DMD: variants seen among roughly 807,000 people sequenced by gnomAD.
The protein encoded by DMD is dystrophin, also known as mutant dystrophin.
Under a neutral mutation model 330.1 loss-of-function variants are expected in DMD, and 63 were observed. The ratio of observed to expected loss-of-function variants is 0.19; its 90% CI spans 0.16 to 0.24. The LOEUF (loss-of-function observed/expected upper bound fraction) is 0.24, where lower values mean the gene tolerates loss of function less well. DMD is among the 10% of genes least tolerant of loss of function. The pLI is 1.00. For missense variants in DMD, 3,344 were observed against 2,684.1 expected (o/e 1.25, Z -5.43); for synonymous variants, 1,223 against 959.8 (o/e 1.27, Z -5.07).
intron 64 of DMD, among the ~76,000 whole-genome samples, chrX:31,215,442 C>T (rs911118907): frequency 1.8e-5 from 2 of 110,778 alleles, no homozygotes; most frequent in African/African-American, 3.3e-5. Context: ...CACTGGATGA[C>T]GAGATGGGCG....
At chrX:32,525,732 T>C (rs773659504) in intron 17 of DMD, among the ~76,000 whole-genome samples, 43 of 111,466 alleles carry the variant, frequency 3.9e-4, no homozygotes, top group African/African-American at 1.3e-3. Context: ...ATGCTTTAAA[T>C]TGGGTGCTAT....
chrX:32,725,633 A>C (rs979865343), intron 7 of DMD, among the ~76,000 whole-genome samples: 1 of 111,207 alleles, frequency 9.0e-6, no homozygotes, highest in Non-Finnish European at 1.9e-5. Flanking sequence ...ACCCAGATAA[A>C]TAAAGCAAAT....
chrX:31,470,707 C>T (rs1227678765), intron 59 of DMD, among the ~76,000 whole-genome samples: 1 of 112,061 alleles, frequency 8.9e-6, no homozygotes, highest in Admixed American at 9.4e-5. Flanking sequence ...CTCTTCAGAG[C>T]CAGCAGGCAG....
chrX:33,274,059 C>T (rs1217312402), intron 1 of DMD, among the ~76,000 whole-genome samples: 1 of 111,423 alleles, frequency 9.0e-6, no homozygotes, highest in Admixed American at 9.6e-5. Flanking sequence ...GTAGGATAAG[C>T]AATCAGATAA....
chrX:33,018,893 A>T (rs2093857852), intron 2 of DMD, among the ~76,000 whole-genome samples: 1 of 85,595 alleles, frequency 1.2e-5, no homozygotes, highest in Non-Finnish European at 2.5e-5. Context: ...TCACTTAGCT[A>T]AAAAAAGTTG....
chrX:32,780,566 T>TA (rs1289199548), intron 7 of DMD, among the ~76,000 whole-genome samples: 1 of 97,353 alleles, frequency 1.0e-5, no homozygotes, highest in Middle Eastern at 4.4e-3. Flanking sequence ...TTCTTCAGCT[T>TA]AGACAACAAA....
rs770968349 is a variant in DMD at position 32,336,031 on chromosome X, TTATATATAACGTG to T, written c.5922+6056_5922+6068del. Among the ~76,000 whole-genome samples the T allele has an allele frequency of 4.7e-4, 49 of 103,367 alleles. 1 individual carries two copies. The South Asian group carries it at 0.019, about 41-fold the overall frequency. The allele number at this position is 103,367 out of a possible 115,157, so 89.8% of individuals were successfully genotyped here. ...TTATATATAACGTGTATATATAACG[TTATATATAACGTG>T]TATATATAACGTTATATATAACGTG... On this transcript the variant is annotated intron_variant, in intron 41 of 78. Coordinates refer to ENST00000357033, the MANE Select transcript of DMD (RefSeq NM_004006.3).
At chrX:32,899,979 A>G (rs1309690942) in intron 2 of DMD, among the ~76,000 whole-genome samples, 2 of 111,759 alleles carry the variant, frequency 1.8e-5, no homozygotes, top group Non-Finnish European at 3.8e-5. Flanking sequence ...TGTTGATAAA[A>G]AAAAGAAAGT....
intron 44 of DMD, among the ~76,000 whole-genome samples, chrX:32,189,378 A>G (rs751030584): frequency 5.4e-4 from 60 of 110,186 alleles, no homozygotes; most frequent in African/African-American, 1.9e-3. Context: ...TACAAAAAAA[A>G]AAAAAACAAC....
rs1012399457 is a variant in DMD, at chrX:31,931,241, G to A, written c.6762+839C>T. On this transcript the variant is annotated intron_variant, in intron 46 of 78. Coordinates refer to ENST00000357033, the MANE Select transcript of DMD (RefSeq NM_004006.3). ...TAATACTTGGCACATAACAGGGAATGATTAAATATTAATTTCTCTTCCCCT... is the reference window on the plus strand; with the variant it reads ...TAATACTTGGCACATAACAGGGAATAATTAAATATTAATTTCTCTTCCCCT... Among the ~76,000 whole-genome samples the A allele has an allele frequency of 6.3e-5, 7 of 110,836 alleles. No individual in the cohort carries two copies. The East Asian group carries it at 2.0e-3, about 32-fold the overall frequency.
intron 41 of DMD, among the ~76,000 whole-genome samples, chrX:32,323,004 C>A (rs1052392610): frequency 7.1e-5 from 8 of 111,945 alleles, no homozygotes; most frequent in African/African-American, 1.9e-4. Context: ...TACAGTTGGC[C>A]CTCTGTATCC....
At position 32,409,203 on chromosome X, in the gene DMD, T is replaced by A. The variant is rs149025793; in HGVS notation, c.4233+2549A>T. Among the ~76,000 whole-genome samples the A allele has an allele frequency of 6.0e-3, 672 of 111,675 alleles. 4 individuals carry two copies. The highest frequency in any genetic ancestry group is 0.02 in the African/African-American group (621 of 30,828). On this transcript the variant is annotated intron_variant, in intron 30 of 78. Transcript: ENST00000357033. ...GAAGAATGTTTTAAGAGCTTTCAGATGGCTTGTATTCTCCAATATTATGTA... is the reference window on the plus strand; with the variant it reads ...GAAGAATGTTTTAAGAGCTTTCAGAAGGCTTGTATTCTCCAATATTATGTA...
rs745350754 is a variant in DMD at position 32,364,730 on chromosome X, A to T, written c.5026-20T>A. On this transcript the variant is annotated intron_variant, in intron 35 of 78. Transcript: ENST00000357033. Reference sequence around the variant, plus strand: ...GTATTCCTTAATTGTACAGAGACATACCATGGCATTATTGGTTAGACAATA... The same window carrying T: ...GTATTCCTTAATTGTACAGAGACATTCCATGGCATTATTGGTTAGACAATA... 30 of 1,200,870 alleles carry T rather than the reference A, an allele frequency of 2.5e-5. No homozygotes were observed. In the African/African-American group the frequency reaches 4.7e-4, roughly 19 times the overall value.
intron 60 of DMD, among the ~76,000 whole-genome samples, chrX:31,357,406 AG>A (rs1007977232): frequency 3.6e-5 from 4 of 110,927 alleles, no homozygotes; most frequent in African/African-American, 1.3e-4. Context: ...GGCATATATT[AG>A]GAAATTCATA....
chrX:31,261,274 A>G (rs186140225), intron 62 of DMD: 1 of 341,680 alleles, frequency 2.9e-6, no homozygotes, highest in East Asian at 5.4e-5. Flanking sequence ...TGCACCCACA[A>G]ATCGATCGCA....
intron 44 of DMD, among the ~76,000 whole-genome samples, chrX:31,984,002 A>G (rs1180343416): frequency 8.9e-6 from 1 of 111,779 alleles, no homozygotes; most frequent in East Asian, 2.8e-4. Flanking sequence ...AAATACTTAG[A>G]TATTAAAGAG....
intron 33 of DMD, among the ~76,000 whole-genome samples, chrX:32,384,539 TATTA>T (rs928477847): frequency 9.0e-5 from 10 of 111,140 alleles, no homozygotes; most frequent in African/African-American, 3.2e-4. Flanking sequence ...ACATAACAAA[TATTA>T]ATTAGAGGGT....
chrX:32,716,569 G>A (rs975257095), intron 7 of DMD, among the ~76,000 whole-genome samples: 4 of 111,240 alleles, frequency 3.6e-5, no homozygotes, highest in Non-Finnish European at 3.8e-5. Flanking sequence ...AATTGGTACC[G>A]AGAGGTAGGG....
At position 33,055,751 on chromosome X, in the gene DMD, T is replaced by C. The variant is rs780550683; in HGVS notation, c.32-35551A>G. On this transcript the variant is annotated intron_variant, in intron 1 of 78. Coordinates refer to ENST00000357033, the MANE Select transcript of DMD (RefSeq NM_004006.3). ...GAGTGGCTGAAAGCACCGTGTTTTA[T>C]AGTCTGACAAATTTGGGTTCTATTC... Among the ~76,000 whole-genome samples, 18 of 111,704 alleles carry C rather than the reference T, an allele frequency of 1.6e-4. No individual in the cohort carries two copies. In the South Asian group the frequency reaches 6.0e-3, roughly 37 times the overall value.
Sources: allele counts gnomAD v4.1 joint callset (sites outside exome capture counted in the v4.1 genomes callset), GRCh38; gene constraint gnomAD v4.1.1; transcripts MANE v1.5; gene names NCBI Gene and HGNC (gene_info 2026-07-23, HGNC 2026-07-21).